Variants in ELP2 observed in about 807,000 individuals in gnomAD.
The protein encoded by ELP2 is elongator complex protein 2.
In ELP2, 90 loss-of-function variants were observed where a neutral mutation model predicts 119.2. The ratio of observed to expected loss-of-function variants is 0.75; its 90% confidence interval spans 0.64 to 0.90. The LOEUF (loss-of-function observed/expected upper bound fraction) is 0.90, where lower values mean the gene tolerates loss of function less well. ELP2 is among the 40% of genes least tolerant of loss of function. The pLI is 0.00. For synonymous variants in ELP2, 339 were observed against 331.0 expected, an observed-to-expected ratio of 1.02 and a Z score of -0.26; for missense variants, 921 against 967.8, an observed-to-expected ratio of 0.95 and a Z score of 0.64.
intron 1 of ELP2, among the ~76,000 whole-genome samples, chr18:36,132,871 G>A (rs1165649860): frequency 6.6e-6 from 1 of 151,732 alleles, no homozygotes; most frequent in Non-Finnish European, 1.5e-5. Flanking sequence ...AAGCATAGTA[G>A]GCCTACTTCC....
In ELP2 at chr18:36,129,976, C is replaced by G. The variant is rs1391680358; in HGVS notation, c.43C>G (p.Pro15Ala). 6.2e-7 allele frequency: 1 copy of G among 1,614,090 alleles called. No individual in the cohort carries two copies. Among genetic ancestry groups the G allele is most frequent in the Non-Finnish European group, 8.5e-7 (1 of 1,180,048 alleles). Residue 15 changes from proline (P) to alanine (A), a missense_variant, in exon 1 of 22, where the codon CCA (proline) becomes GCA (alanine). Pro to Ala is a conservative substitution (Grantham distance 27). Coordinates refer to ENST00000358232, the MANE Select transcript of ELP2 (RefSeq NM_018255.4). ...GGAGACTTCTCACGTGTTTTGCTGCCCAAACCGGGTGCGGGGAGTCCTGAA... is the reference window on the plus strand; with the variant it reads ...GGAGACTTCTCACGTGTTTTGCTGCGCAAACCGGGTGCGGGGAGTCCTGAA... The part of the protein sequence containing the change: ...VLETSHVFCC[P>A]NRVRGVLNWS...
chr18:36,163,268 C>T, intron 17 of ELP2, among the ~76,000 whole-genome samples: 1 of 24,090 alleles, frequency 4.2e-5, no homozygotes, highest in Non-Finnish European at 1.1e-4. Flanking sequence ...AGTAGTAGTT[C>T]ATGGGGGGTG....
chr18:36,147,086 T>G (rs1027075321), intron 11 of ELP2, among the ~76,000 whole-genome samples: 6 of 150,536 alleles, frequency 4.0e-5, no homozygotes, highest in East Asian at 1.9e-4. Flanking sequence ...GGGTAGTTTT[T>G]TTTTTTTTTT....
intron 16 of ELP2, 152 bp from the exon 17 acceptor site, chr18:36,160,780 C>T (rs1186636530): frequency 4.9e-6 from 3 of 615,766 alleles, no homozygotes; most frequent in Non-Finnish European, 8.6e-6. Context: ...CTGTCTTTCT[C>T]TCAAATGTTT....
chr18:36,155,637 C>A (rs1453197117), intron 12 of ELP2, among the ~76,000 whole-genome samples: 1 of 152,126 alleles, frequency 6.6e-6, no homozygotes, highest in African/African-American at 2.4e-5. Context: ...CTCCTGGCCT[C>A]AAGTGATCCT....
rs952315617 is a variant in ELP2 at position 36,179,099 on chromosome 18, C to G, written c.*4458C>G. On this transcript the variant is annotated 3_prime_UTR_variant, in exon 22 of 22. Coordinates refer to ENST00000358232, the MANE Select transcript of ELP2 (RefSeq NM_018255.4). ...AATGAGGCTGAGGCCAGAAGAGAGA[C>G]AGCGTGTTGGATGGCTGCATGTGGT... 3 of 152,386 alleles carry G rather than the reference C, an allele frequency of 2.0e-5. No individual in the cohort carries two copies. Among genetic ancestry groups the G allele is most frequent in the Admixed American group, 6.6e-5 (1 of 15,250 alleles). The allele number at this position is 152,386 out of a possible 1,614,324, so 9.4% of individuals were successfully genotyped here.
intron 18 of ELP2, chr18:36,164,988 G>A (rs577896): frequency 0.98 from 313,645 of 320,520 alleles, 153,840 homozygotes; most frequent in East Asian, 1. Flanking sequence ...CTACCACAAA[G>A]CCTAATGGAT....
chr18:36,141,624 A>G (rs1462826804), intron 6 of ELP2, among the ~76,000 whole-genome samples: 1 of 152,166 alleles, frequency 6.6e-6, no homozygotes, highest in African/African-American at 2.4e-5. Context: ...TCATTTATTT[A>G]ATAGGATACT....
intron 17 of ELP2, among the ~76,000 whole-genome samples, chr18:36,163,346 C>T (rs2090800276): frequency 6.7e-6 from 1 of 150,238 alleles, no homozygotes; most frequent in South Asian, 2.1e-4. Flanking sequence ...GGACACTGAA[C>T]AGTTTTTTAT....
intron 16 of ELP2, 125 bp from the exon 17 acceptor site, chr18:36,160,807 A>G: frequency 1.5e-6 from 1 of 688,076 alleles, no homozygotes; most frequent in South Asian, 1.7e-5. Flanking sequence ...ACAAACATAC[A>G]ATGTTCCTTA....
At chr18:36,160,049 T>TTCTG in intron 16 of ELP2, 34 bp downstream of exon 16, 1 of 1,607,530 alleles carries the variant, frequency 6.2e-7, no homozygotes, top group Non-Finnish European at 8.5e-7. Flanking sequence ...TTTGGTCTGA[T>TTCTG]TCTGTCGTAA....
chr18:36,165,575 A>G (rs1365998502), intron 18 of ELP2, among the ~76,000 whole-genome samples: 4 of 152,172 alleles, frequency 2.6e-5, no homozygotes, highest in Non-Finnish European at 5.9e-5. Flanking sequence ...AACATGCAGC[A>G]TTTACTGTTT....
At chr18:36,171,377 A>T (rs2091077944) in intron 21 of ELP2, among the ~76,000 whole-genome samples, 1 of 152,238 alleles carries the variant, frequency 6.6e-6, no homozygotes, top group African/African-American at 2.4e-5. Flanking sequence ...AATTGCTTGC[A>T]TGCATAATAT....
At chr18:36,132,635 G>C (rs1485343357) in intron 1 of ELP2, among the ~76,000 whole-genome samples, 1 of 152,182 alleles carries the variant, frequency 6.6e-6, no homozygotes, top group East Asian at 1.9e-4. Context: ...AAAGCAGTCT[G>C]TTGAGGATCT....
intron 17 of ELP2, 29 bp downstream of exon 17, chr18:36,161,033 G>C: frequency 6.4e-7 from 1 of 1,568,236 alleles, no homozygotes; most frequent in Non-Finnish European, 8.8e-7. Flanking sequence ...GATTCTGCTT[G>C]GTCACAGGTT....
chr18:36,178,926 T>A lies in ELP2; in HGVS notation c.*4285T>A, dbSNP rs984410625. On this transcript the variant is annotated 3_prime_UTR_variant, in exon 22 of 22. Transcript: ENST00000358232. ...TTTTAATATACTTAAAATTTCCTTA[T>A]AAGAATTGTTTAGAAAGAATGAGCA... 4 of 152,130 alleles carry A rather than the reference T, an allele frequency of 2.6e-5. No individual in the cohort carries two copies. Among genetic ancestry groups the A allele is most frequent in the African/African-American group, 9.7e-5 (4 of 41,430 alleles). The allele number at this position is 152,130 out of a possible 1,614,324, so 9.4% of individuals were successfully genotyped here.
chr18:36,133,897 G>GTTTTTTTTT (rs57135329), intron 2 of ELP2, among the ~76,000 whole-genome samples: 11 of 60,806 alleles, frequency 1.8e-4, no homozygotes, highest in South Asian at 8.4e-4. Context: ...TTTTTTAGGG[G>GTTTTTTTTT]TTTTTTTTTT....
intron 17 of ELP2, among the ~76,000 whole-genome samples, chr18:36,163,902 C>A (rs536688839): frequency 5.4e-4 from 82 of 152,104 alleles, no homozygotes; most frequent in African/African-American, 2.0e-3. Flanking sequence ...TATAGTAGAT[C>A]CTTTATTTTG....
intron 11 of ELP2, among the ~76,000 whole-genome samples, chr18:36,151,026 C>T (rs372646576): frequency 1.2e-4 from 19 of 152,036 alleles, no homozygotes; most frequent in East Asian, 3.9e-4. Flanking sequence ...TAGTTTCCCC[C>T]CCTATTGCCC....
Sources: gnomAD v4.1 joint callset for allele counts (sites outside exome capture counted in the v4.1 genomes callset) on GRCh38, gnomAD v4.1.1 for gene constraint, MANE v1.5 for transcripts, NCBI Gene and HGNC (gene_info 2026-07-23, HGNC 2026-07-21) for gene names.